The following DCX variants were observed in gnomAD, a reference collection of about 807,000 sequenced individuals.
DCX encodes doublecortin.
A neutral mutation model predicts 20.9 loss-of-function variants in DCX; 4 were observed. The ratio of observed to expected loss-of-function variants is 0.19; its 90% CI spans 0.09 to 0.44. The LOEUF is 0.44. Ranked by LOEUF, DCX falls within the 20% of genes least tolerant of loss-of-function variation. The probability of loss-of-function intolerance (pLI) is 0.99; values close to 1 mark genes in which losing one functional copy is unlikely to be tolerated. For synonymous variants in DCX, 103 were observed against 111.4 expected (o/e 0.92, Z 0.47); for missense variants, 133 against 296.9 (o/e 0.45, Z 4.06).
chrX:111,353,757 C>G (rs1194526270), intron 3 of DCX, among the ~76,000 whole-genome samples: 2 of 111,505 alleles, frequency 1.8e-5, no homozygotes, highest in Admixed American at 9.5e-5. Flanking sequence ...ACCACGGTAA[C>G]TGTTAAGGGC....
At chrX:111,354,996 A>G (rs1923611766) in intron 3 of DCX, among the ~76,000 whole-genome samples, 1 of 112,324 alleles carries the variant, frequency 8.9e-6, no homozygotes. Context: ...AAAGCAACCC[A>G]CAGCACTAAG....
At chrX:111,302,092 AC>A (rs1186692289) in intron 6 of DCX, among the ~76,000 whole-genome samples, 2 of 111,080 alleles carry the variant, frequency 1.8e-5, no homozygotes, top group African/African-American at 6.6e-5. Flanking sequence ...CCCTTGTGCT[AC>A]CCCATTAGAG....
Position 111,298,692 on chromosome X carries a change from C to T in DCX, c.*2995G>A, listed in dbSNP as rs1195013614. 1 of 111,748 alleles carries T rather than the reference C, an allele frequency of 8.9e-6. No homozygotes were observed. Among genetic ancestry groups the T allele is most frequent in the Non-Finnish European group, 1.9e-5 (1 of 53,156 alleles). 9.2% of individuals were successfully genotyped at this position (111,748 alleles called of 1,213,427 possible). A position where few individuals can be genotyped will look rare whatever the true frequency, so the allele number is the denominator to read the frequency against. ...AGTAGATGATGTGATCTTAAGGTTC[C>T]TTCCAGCTAGAAAACGCTATAATTC... On this transcript the variant is annotated 3_prime_UTR_variant, in exon 7 of 7. Coordinates refer to ENST00000636035, the MANE Select transcript of DCX (RefSeq NM_001195553.2).
At chrX:111,402,430 T>C (rs1194724249) in intron 2 of DCX, among the ~76,000 whole-genome samples, 1 of 111,540 alleles carries the variant, frequency 9.0e-6, no homozygotes, top group Non-Finnish European at 1.9e-5. Flanking sequence ...CCTCAAGGTA[T>C]CTAGAAGTTC....
chrX:111,301,487 G>A lies in DCX; in HGVS notation c.*200C>T, dbSNP rs751282213. ...GGTTATCAATCTATCTCTCATAATT[G>A]GTAACTGTGGATCAGTGGCCCAGAG... On this transcript the variant is annotated 3_prime_UTR_variant, in exon 7 of 7. Transcript: ENST00000636035. 7 of 475,582 alleles carry A rather than the reference G, an allele frequency of 1.5e-5. No homozygotes were observed. Among genetic ancestry groups the A allele is most frequent in the South Asian group, 9.2e-5 (3 of 32,475 alleles). 39.2% of individuals were successfully genotyped at this position (475,582 alleles called of 1,213,427 possible). A position where few individuals can be genotyped will look rare whatever the true frequency, so the allele number is the denominator to read the frequency against.
chrX:111,323,895 T>C (rs1376760368), intron 5 of DCX, among the ~76,000 whole-genome samples: 1 of 111,071 alleles, frequency 9.0e-6, no homozygotes, highest in Non-Finnish European at 1.9e-5. Context: ...CATCAGGTCA[T>C]AAGAGAAAGG....
intron 3 of DCX, among the ~76,000 whole-genome samples, chrX:111,390,565 G>A (rs1232470465): frequency 9.0e-6 from 1 of 111,570 alleles, no homozygotes; most frequent in Admixed American, 9.5e-5. Context: ...CTGCTGCCTC[G>A]ATTTAGATCC....
intron 1 of DCX, chrX:111,410,733 G>A (rs1160041322): frequency 8.5e-7 from 1 of 1,175,278 alleles, no homozygotes; most frequent in Admixed American, 2.2e-5. Flanking sequence ...TTTTGAAATA[G>A]CTGAAAATCC....
At chrX:111,352,876 G>A (rs1923434836) in intron 3 of DCX, among the ~76,000 whole-genome samples, 1 of 94,223 alleles carries the variant, frequency 1.1e-5, no homozygotes, top group Non-Finnish European at 2.1e-5. Context: ...AGAGAGAGAG[G>A]AGGCAATGCC....
At chrX:111,399,999 T>G (rs182859810) in intron 3 of DCX, among the ~76,000 whole-genome samples, 6 of 112,242 alleles carry the variant, frequency 5.3e-5, no homozygotes, top group African/African-American at 1.9e-4. Flanking sequence ...GGTCTGCATT[T>G]GAACACTCAT....
chrX:111,329,197 C>A (rs2147627476), intron 5 of DCX, among the ~76,000 whole-genome samples: 1 of 112,139 alleles, frequency 8.9e-6, no homozygotes, highest in African/African-American at 3.2e-5. Context: ...GTAGTTTCAG[C>A]AATATAAATT....
intron 3 of DCX, among the ~76,000 whole-genome samples, chrX:111,335,563 AC>A (rs1385820980): frequency 8.9e-6 from 1 of 112,813 alleles, no homozygotes; most frequent in Non-Finnish European, 1.9e-5. Context: ...AAATTTAGGA[AC>A]AAGAAAAGTA....
At chrX:111,327,572 T>G (rs1380277358) in intron 5 of DCX, among the ~76,000 whole-genome samples, 2 of 112,293 alleles carry the variant, frequency 1.8e-5, no homozygotes, top group Non-Finnish European at 3.8e-5. Context: ...ATTATCCTTA[T>G]CTATAGAGAT....
chrX:111,331,185 C>T (rs749927310), intron 4 of DCX, 144 bp from the exon 5 acceptor site: 9 of 730,469 alleles, frequency 1.2e-5, no homozygotes, highest in Admixed American at 1.0e-4. Context: ...TTAGTAGGAG[C>T]CATGGTTCTG....
At chrX:111,384,530 C>G (rs1926226120) in intron 3 of DCX, among the ~76,000 whole-genome samples, 1 of 111,327 alleles carries the variant, frequency 9.0e-6, no homozygotes, top group Non-Finnish European at 1.9e-5. Flanking sequence ...CACCTCAAAA[C>G]TAGATACTTT....
rs186744094 is a variant in DCX at position 111,351,968 on chromosome X, G to A, written c.706-18815C>T. Among the ~76,000 whole-genome samples, 413 of 111,730 alleles carry A rather than the reference G, an allele frequency of 3.7e-3. 3 individuals carry two copies. The highest frequency in any genetic ancestry group is 0.013 in the African/African-American group (388 of 30,717). ...TGGAACTCCTGGGCTCATGCAGTCC[G>A]CCTGCTTCAGCCTCTCAAAGTGTGG... On this transcript the variant is annotated intron_variant, in intron 3 of 6. Transcript: ENST00000636035.
rs779628574 is a variant in DCX, at chrX:111,298,699, C to A, written c.*2988G>T. 9.0e-6 allele frequency: 1 copy of A among 111,723 alleles called. No individual in the cohort carries two copies. The highest frequency in any genetic ancestry group is 3.8e-4 in the South Asian group (1 of 2,611). 9.2% of individuals were successfully genotyped at this position (111,723 alleles called of 1,213,427 possible). A position where few individuals can be genotyped will look rare whatever the true frequency, so the allele number is the denominator to read the frequency against. ...GATGTGATCTTAAGGTTCCTTCCAG[C>A]TAGAAAACGCTATAATTCAATCTAG... On this transcript the variant is annotated 3_prime_UTR_variant, in exon 7 of 7. Transcript: ENST00000636035.
chrX:111,394,910 G>A (rs1927215425), intron 3 of DCX, among the ~76,000 whole-genome samples: 1 of 111,972 alleles, frequency 8.9e-6, no homozygotes, highest in Admixed American at 9.5e-5. Context: ...AAGAAAAGGG[G>A]GTCAAACGAA....
At chrX:111,367,653 G>A (rs1924731013) in intron 3 of DCX, among the ~76,000 whole-genome samples, 1 of 111,388 alleles carries the variant, frequency 9.0e-6, no homozygotes, top group Admixed American at 9.6e-5. Flanking sequence ...AGGGCCTAAG[G>A]GAGTGACAAA....
Sources: allele counts gnomAD v4.1 joint callset (sites outside exome capture counted in the v4.1 genomes callset), GRCh38; gene constraint gnomAD v4.1.1; transcripts MANE v1.5; gene names NCBI Gene and HGNC (gene_info 2026-07-23, HGNC 2026-07-21).